The following SND1 variants were observed in gnomAD, a reference collection of about 807,000 sequenced individuals.
SND1 encodes staphylococcal nuclease and tudor domain containing 1.
In SND1, 38 loss-of-function variants were observed where a neutral mutation model predicts 121.7. The observed-to-expected ratio is 0.31, with a 90% CI of 0.24 to 0.41. The LOEUF (loss-of-function observed/expected upper bound fraction) is 0.41. Among genes scored for constraint, SND1 ranks in the 10% least tolerant of loss-of-function variants. The pLI, the probability that SND1 is intolerant of heterozygous loss-of-function variation, is 1.00. For missense variants in SND1, 868 were observed against 1,184.6 expected, an observed-to-expected ratio of 0.73 and a Z score of 3.92; for synonymous variants, 401 against 447.4, an observed-to-expected ratio of 0.90 and a Z score of 1.31.
chr7:127,727,958 C>T (rs1427959107), intron 10 of SND1, among the ~76,000 whole-genome samples: 1 of 152,130 alleles, frequency 6.6e-6, no homozygotes, highest in South Asian at 2.1e-4. Flanking sequence ...ATCCCTGTGA[C>T]CTGTTCCTCA....
At chr7:127,825,670 G>A (rs1163585553) in intron 11 of SND1, among the ~76,000 whole-genome samples, 1 of 151,378 alleles carries the variant, frequency 6.6e-6, no homozygotes, top group Non-Finnish European at 1.5e-5. Flanking sequence ...GCCTCCCAAA[G>A]TGTGGGATTA....
intron 10 of SND1, among the ~76,000 whole-genome samples, chr7:127,736,215 T>A (rs1344359303): frequency 6.6e-6 from 1 of 152,204 alleles, no homozygotes; most frequent in African/African-American, 2.4e-5. Flanking sequence ...TTTTCCTGAT[T>A]ATAAATGTGA....
chr7:127,677,476 C>A (rs1423618266), intron 1 of SND1, among the ~76,000 whole-genome samples: 1 of 152,172 alleles, frequency 6.6e-6, no homozygotes. Flanking sequence ...TTTATTTTTG[C>A]CATGCACTTG....
intron 16 of SND1, among the ~76,000 whole-genome samples, chr7:128,016,545 G>C (rs1265834670): frequency 6.6e-6 from 1 of 152,104 alleles, no homozygotes; most frequent in African/African-American, 2.4e-5. Flanking sequence ...AAAATCAAGG[G>C]GTCTCATTCC....
At chr7:127,865,233 A>T (rs2116689960) in intron 12 of SND1, among the ~76,000 whole-genome samples, 1 of 152,342 alleles carries the variant, frequency 6.6e-6, no homozygotes, top group East Asian at 1.9e-4. Context: ...TATAGTTGAC[A>T]TATGCTTGGC....
chr7:127,889,553 C>T (rs566929764), intron 13 of SND1, among the ~76,000 whole-genome samples: 5 of 151,820 alleles, frequency 3.3e-5, no homozygotes, highest in African/African-American at 1.2e-4. Context: ...TTGAAATGTA[C>T]AATTAAATTA....
At chr7:127,966,522 T>C (rs949547440) in intron 15 of SND1, among the ~76,000 whole-genome samples, 27 of 83,732 alleles carry the variant, frequency 3.2e-4, no homozygotes, top group Non-Finnish European at 5.8e-4. Context: ...CACAGTGCAA[T>C]CAAACTAGAA....
intron 9 of SND1, 111 bp downstream of exon 9, chr7:127,707,758 C>G (rs1363829253): frequency 1.4e-6 from 1 of 690,358 alleles, no homozygotes; most frequent in East Asian, 3.2e-5. Context: ...TCAAGGCAAG[C>G]CAGTAGGAGT....
intron 13 of SND1, among the ~76,000 whole-genome samples, chr7:127,889,308 A>G (rs1190839767): frequency 6.6e-6 from 1 of 151,862 alleles, no homozygotes; most frequent in East Asian, 1.9e-4. Context: ...AGAACTCATG[A>G]TGAGAAATGT....
At chr7:127,833,546 T>C (rs1392254569) in intron 11 of SND1, among the ~76,000 whole-genome samples, 1 of 152,146 alleles carries the variant, frequency 6.6e-6, no homozygotes, top group Non-Finnish European at 1.5e-5. Context: ...ATTACAGGCA[T>C]GAGCCACCAC....
rs530456021 is a variant in SND1, at chr7:127,804,020, A to T, written c.1153-3464A>T. The stretch of plus-strand genomic sequence containing the variant: ...GCATTTTTTCCTATTTTTATTTTTT[A>T]AAAAATATTTCCATGTAAATTAGAA... On this transcript the variant is annotated intron_variant, in intron 10 of 23. Transcript: ENST00000354725. Among the ~76,000 whole-genome samples the T allele has an allele frequency of 2.4e-4, 36 of 152,324 alleles. No individual in the cohort carries two copies. In the East Asian group the frequency reaches 5.8e-3, roughly 24 times the overall value.
intron 16 of SND1, among the ~76,000 whole-genome samples, chr7:128,068,712 C>A (rs1793358827): frequency 6.6e-6 from 1 of 152,208 alleles, no homozygotes; most frequent in Admixed American, 6.5e-5. Context: ...CTTTTCTCCT[C>A]CCCCTTCTCC....
At chr7:127,757,093 C>G (rs1421888480) in intron 10 of SND1, among the ~76,000 whole-genome samples, 1 of 152,132 alleles carries the variant, frequency 6.6e-6, no homozygotes, top group African/African-American at 2.4e-5. Flanking sequence ...TCCCTCATGT[C>G]CATTTCCAGA....
chr7:127,960,070 C>G (rs1325388045), intron 15 of SND1, among the ~76,000 whole-genome samples: 2 of 152,192 alleles, frequency 1.3e-5, no homozygotes, highest in East Asian at 3.8e-4. Flanking sequence ...TAGCTGCTGG[C>G]CATTCGTCTC....
At chr7:128,036,439 C>T (rs1488769553) in intron 16 of SND1, among the ~76,000 whole-genome samples, 2 of 152,218 alleles carry the variant, frequency 1.3e-5, no homozygotes, top group African/African-American at 4.8e-5. Flanking sequence ...TTTAGAGTTA[C>T]CCACTCTTCT....
At chr7:127,702,408 AC>A in intron 5 of SND1, 26 bp from the exon 6 acceptor site, 1 of 1,603,870 alleles carries the variant, frequency 6.2e-7, no homozygotes, top group Middle Eastern at 1.7e-4. Flanking sequence ...TTTGCTAAGG[AC>A]TTAAGCTGTT....
intron 15 of SND1, among the ~76,000 whole-genome samples, chr7:127,938,758 C>T (rs1021066273): frequency 2.0e-5 from 3 of 152,256 alleles, no homozygotes; most frequent in Admixed American, 1.3e-4. Flanking sequence ...TATGCAGGCA[C>T]ACTGTCACCC....
chr7:127,910,559 A>G (rs1343159375), intron 14 of SND1, among the ~76,000 whole-genome samples: 1 of 152,130 alleles, frequency 6.6e-6, no homozygotes, highest in Admixed American at 6.6e-5. Context: ...GTTAAATTGC[A>G]GTTTTTCTTA....
chr7:127,953,693 T>C (rs575451656), intron 15 of SND1, among the ~76,000 whole-genome samples: 155 of 152,342 alleles, frequency 1.0e-3, no homozygotes, highest in African/African-American at 3.5e-3. Context: ...GATGGAGAAA[T>C]GTTTTTCCTC....
Sources: gnomAD v4.1 joint callset for allele counts (sites outside exome capture counted in the v4.1 genomes callset) on GRCh38, gnomAD v4.1.1 for gene constraint, MANE v1.5 for transcripts, NCBI Gene and HGNC (gene_info 2026-07-23, HGNC 2026-07-21) for gene names.